UST: variants seen among roughly 807,000 people sequenced by gnomAD.
UST encodes chondroitin sulfate 2-O-sulfotransferase.
UST carries 21 observed loss-of-function variants against 45.6 expected under a neutral mutation model. That is an observed-to-expected ratio of 0.46 (90% CI 0.33 to 0.66). The LOEUF is 0.66. Among genes scored for constraint, UST ranks in the 30% least tolerant of loss-of-function variants. The pLI is 0.02. For missense variants in UST, 463 were observed against 512.4 expected (o/e 0.90, Z 0.93); for synonymous variants, 215 against 200.6 (o/e 1.07, Z -0.61).
chr6:148,988,595 CA>C (rs1781284820), intron 5 of UST, among the ~76,000 whole-genome samples: 2 of 119,776 alleles, frequency 1.7e-5, no homozygotes, highest in African/African-American at 6.1e-5. Context: ...AAAAAAAAAG[CA>C]AAAAACAACA....
chr6:148,978,728 G>A lies in UST; in HGVS notation c.681+14165G>A, dbSNP rs150167365. On this transcript the variant is annotated intron_variant, in intron 5 of 7. Transcript: ENST00000367463. ...AGGACAAATACCTAATACATGCGGG[G>A]CTTAAAACCTAGATGACAGGTTGAT... Among the ~76,000 whole-genome samples the A allele has an allele frequency of 2.5e-3, 380 of 152,214 alleles. 1 individual carries two copies. Among genetic ancestry groups the A allele is most frequent in the African/African-American group, 8.7e-3 (362 of 41,530 alleles).
chr6:148,985,598 AG>A (rs1781224194), intron 5 of UST, among the ~76,000 whole-genome samples: 1 of 152,190 alleles, frequency 6.6e-6, no homozygotes, highest in Non-Finnish European at 1.5e-5. Flanking sequence ...TTTAGTGACA[AG>A]GGTAGAAGCA....
intron 7 of UST, among the ~76,000 whole-genome samples, chr6:149,057,901 T>TAAG (rs1776590411): frequency 6.6e-6 from 1 of 152,242 alleles, no homozygotes; most frequent in South Asian, 2.1e-4. Flanking sequence ...CTTGTTTTCC[T>TAAG]AAGTTTCCTA....
intron 5 of UST, among the ~76,000 whole-genome samples, chr6:149,001,062 G>A (rs562874327): frequency 6.7e-6 from 1 of 149,204 alleles, no homozygotes; most frequent in African/African-American, 2.4e-5. Context: ...TTCCAAAATT[G>A]GAGATGATTC....
rs1414049933 is a variant in UST at position 148,964,476 on chromosome 6, C to G, written c.594C>G (p.Asn198Lys). The G allele has an allele frequency of 6.2e-7, 1 of 1,614,216 alleles. No individual in the cohort carries two copies. Among genetic ancestry groups the G allele is most frequent in the East Asian group, 2.2e-5 (1 of 44,878 alleles). The change falls in exon 5 of 8, where the codon AAC (asparagine) becomes AAG (lysine). Residue 198 changes from asparagine (N) to lysine (K), a missense_variant. Asn to Lys is a moderately conservative substitution (Grantham distance 94). Around this residue, in one of 2 missense-constraint regions of UST, gnomAD observed 287 missense variants for 374.2 expected, o/e 0.77. Transcript: ENST00000367463. ...IRDPVNRFLS[N>K]YFFRRFGDWR... ...ACCCCGTCAACCGGTTCTTATCCAA[C>G]TATTTTTTCCGTCGCTTTGGAGACT...
At chr6:148,772,427 CT>C (rs570406798) in intron 1 of UST, among the ~76,000 whole-genome samples, 194 of 142,730 alleles carry the variant, frequency 1.4e-3, no homozygotes, top group Non-Finnish European at 1.4e-3. Context: ...CCCTTCTGAC[CT>C]TTTTTTTTTT....
intron 1 of UST, among the ~76,000 whole-genome samples, chr6:148,869,626 C>T (rs772385374): frequency 3.3e-5 from 5 of 152,146 alleles, no homozygotes; most frequent in Non-Finnish European, 7.4e-5. Context: ...ATAAGACCGA[C>T]GCTGGCATCA....
intron 3 of UST, among the ~76,000 whole-genome samples, chr6:148,941,734 C>G (rs751485728): frequency 6.6e-6 from 1 of 152,104 alleles, no homozygotes; most frequent in East Asian, 1.9e-4. Context: ...GTCATACCAC[C>G]GAGCTATAAA....
At chr6:149,035,424 C>T (rs1776227276) in intron 7 of UST, among the ~76,000 whole-genome samples, 2 of 152,114 alleles carry the variant, frequency 1.3e-5, no homozygotes, top group Admixed American at 1.3e-4. Flanking sequence ...CCTCTGGTGA[C>T]ACTTGTCTGT....
intron 5 of UST, among the ~76,000 whole-genome samples, chr6:148,976,063 G>A (rs776603591): frequency 4.6e-5 from 7 of 152,118 alleles, no homozygotes; most frequent in Admixed American, 6.6e-5. Flanking sequence ...TAAGATATAA[G>A]AAGTCTTATA....
At chr6:148,759,398 G>C (rs996990427) in intron 1 of UST, among the ~76,000 whole-genome samples, 1 of 151,794 alleles carries the variant, frequency 6.6e-6, no homozygotes, top group Non-Finnish European at 1.5e-5. Context: ...GTGGTCGCGG[G>C]CGCCTGTAGT....
chr6:149,054,705 A>C (rs1192301250), intron 7 of UST, among the ~76,000 whole-genome samples: 1 of 152,198 alleles, frequency 6.6e-6, no homozygotes, highest in Non-Finnish European at 1.5e-5. Flanking sequence ...CCTTTGGCAA[A>C]AGTGTGAAAC....
intron 1 of UST, among the ~76,000 whole-genome samples, chr6:148,778,432 G>C (rs1411800789): frequency 6.6e-6 from 1 of 152,170 alleles, no homozygotes; most frequent in African/African-American, 2.4e-5. Flanking sequence ...AGGATCCAGG[G>C]CCCAGGCAGA....
chr6:148,868,065 C>T (rs1485097073), intron 1 of UST, among the ~76,000 whole-genome samples: 1 of 152,146 alleles, frequency 6.6e-6, no homozygotes, highest in East Asian at 1.9e-4. Flanking sequence ...ATCACTTCCT[C>T]TGCAAAGGAC....
chr6:149,008,847 A>G (rs192959468), intron 5 of UST, among the ~76,000 whole-genome samples: 128 of 152,282 alleles, frequency 8.4e-4, no homozygotes, highest in Middle Eastern at 3.4e-3. Flanking sequence ...AGACCTCCCA[A>G]CCTGGCCATT....
At chr6:148,884,947 A>G (rs937714421) in intron 1 of UST, among the ~76,000 whole-genome samples, 1 of 152,176 alleles carries the variant, frequency 6.6e-6, no homozygotes, top group Non-Finnish European at 1.5e-5. Flanking sequence ...AGGAAGGGAT[A>G]TATTGTATAA....
chr6:148,910,820 T>C (rs1779458263), intron 2 of UST, among the ~76,000 whole-genome samples: 1 of 152,232 alleles, frequency 6.6e-6, no homozygotes, highest in African/African-American at 2.4e-5. Flanking sequence ...GCACAGGAAC[T>C]GCCCATTTCC....
chr6:149,061,979 CAAAT>C (rs909732753), intron 7 of UST, among the ~76,000 whole-genome samples: 2 of 152,216 alleles, frequency 1.3e-5, no homozygotes, highest in African/African-American at 4.8e-5. Context: ...TCAGGTCACA[CAAAT>C]AAATGTCTTT....
intron 2 of UST, among the ~76,000 whole-genome samples, chr6:148,889,330 T>C (rs1484523346): frequency 6.6e-6 from 1 of 152,254 alleles, no homozygotes; most frequent in African/African-American, 2.4e-5. Flanking sequence ...GAGAGTGATA[T>C]GGCTATTATC....
Sources: gnomAD v4.1 joint callset for allele counts (sites outside exome capture counted in the v4.1 genomes callset) on GRCh38, gnomAD v4.1.1 for gene constraint, gnomAD v4.1.1 regional missense constraint, MANE v1.5 for transcripts, NCBI Gene and HGNC (gene_info 2026-07-23, HGNC 2026-07-21) for gene names.